ZFAND3: variants seen among roughly 807,000 people sequenced by gnomAD.
ZFAND3 encodes the protein AN1-type zinc finger protein 3.
A neutral mutation model predicts 29.6 loss-of-function variants in ZFAND3; 10 were observed. That is an observed-to-expected ratio of 0.34 (90% CI 0.21 to 0.57). The LOEUF is 0.57. Among genes scored for constraint, ZFAND3 ranks in the 20% least tolerant of loss-of-function variants. The pLI is 0.86. For missense variants in ZFAND3, 230 were observed against 304.5 expected, an observed-to-expected ratio of 0.76 and a Z score of 1.82; for synonymous variants, 128 against 112.6, an observed-to-expected ratio of 1.14 and a Z score of -0.87.
At chr6:37,866,024 A>G (rs1387919134) in intron 1 of ZFAND3, among the ~76,000 whole-genome samples, 1 of 152,072 alleles carries the variant, frequency 6.6e-6, no homozygotes, top group African/African-American at 2.4e-5. Flanking sequence ...TGGAGGTCTC[A>G]CTATATTGTC....
intron 1 of ZFAND3, among the ~76,000 whole-genome samples, chr6:37,863,266 A>G (rs1764526867): frequency 6.6e-6 from 1 of 152,274 alleles, no homozygotes; most frequent in Non-Finnish European, 1.5e-5. Flanking sequence ...CACATTCCAC[A>G]TCAAGTGGTC....
chr6:37,834,104 C>A (rs1283946911), intron 1 of ZFAND3, among the ~76,000 whole-genome samples: 1 of 152,002 alleles, frequency 6.6e-6, no homozygotes, highest in East Asian at 1.9e-4. Context: ...ATGAATCTAC[C>A]ATTATAATGT....
chr6:37,866,709 G>A (rs529878127), intron 1 of ZFAND3, among the ~76,000 whole-genome samples: 54 of 152,190 alleles, frequency 3.5e-4, no homozygotes, highest in Non-Finnish European at 6.8e-4. Context: ...TGTACTTGGT[G>A]TAGTGTATTA....
At position 38,011,836 on chromosome 6, in the gene ZFAND3, C is replaced by T. The variant is rs6920185; in HGVS notation, c.113-49757C>T. 4.2e-3 allele frequency among the ~76,000 whole-genome samples: 639 copies of T among 151,982 alleles called. 2 individuals are homozygous for T. The highest frequency in any genetic ancestry group is 5.7e-3 in the Non-Finnish European group (384 of 67,962). On this transcript the variant is annotated intron_variant, in intron 2 of 5. Coordinates refer to ENST00000287218, the MANE Select transcript of ZFAND3 (RefSeq NM_021943.3). ...TCACACCTGATCAATTAAGAGGATT[C>T]GGGGAAGGTAAAACTTCATGTAAAT...
rs143454482 is a variant in ZFAND3, at chr6:37,879,685, A to G, written c.72-50274A>G. On this transcript the variant is annotated intron_variant, in intron 1 of 5. Coordinates refer to ENST00000287218, the MANE Select transcript of ZFAND3 (RefSeq NM_021943.3). ...GGATGAATGAGCATGCTTTTTCTCA[A>G]TCTGGATGATAGTAAATTCATTATT... 3.0e-3 allele frequency among the ~76,000 whole-genome samples: 464 copies of G among 152,304 alleles called. 3 individuals carry two copies. The highest frequency in any genetic ancestry group is 6.8e-3 in the Middle Eastern group (2 of 294).
intron 1 of ZFAND3, among the ~76,000 whole-genome samples, chr6:37,822,548 T>C (rs1763685212): frequency 1.3e-5 from 2 of 152,168 alleles, no homozygotes; most frequent in South Asian, 2.1e-4. Context: ...TTTGAATGCC[T>C]GTGATATAAT....
chr6:37,859,862 G>GGTTTTTT (rs1764448370), intron 1 of ZFAND3, among the ~76,000 whole-genome samples: 3 of 133,306 alleles, frequency 2.3e-5, no homozygotes, highest in African/African-American at 8.2e-5. Context: ...GCTGGAGTGG[G>GGTTTTTT]TTTTTTTTTT....
At chr6:38,009,846 A>G (rs898541947) in intron 2 of ZFAND3, among the ~76,000 whole-genome samples, 12 of 152,238 alleles carry the variant, frequency 7.9e-5, no homozygotes, top group African/African-American at 2.7e-4. Context: ...GGTTAGAGTT[A>G]CATTACATTC....
chr6:37,930,046 T>C, intron 2 of ZFAND3, 47 bp downstream of exon 2: 2 of 382,228 alleles, frequency 5.2e-6, no homozygotes, highest in Admixed American at 5.2e-5. Context: ...TTTTTCTTTC[T>C]TTTTTTTTTT....
In ZFAND3 at chr6:38,116,756, G is replaced by A; in HGVS notation, c.529+17G>A. 1 of 1,611,920 alleles carries A rather than the reference G, an allele frequency of 6.2e-7. No individual in the cohort carries two copies. Among genetic ancestry groups the A allele is most frequent in the Non-Finnish European group, 8.5e-7 (1 of 1,178,388 alleles). On this transcript the variant is annotated intron_variant, in intron 5 of 5. Transcript: ENST00000287218. ...GTCGCTGCGGTAAGCATCTCCCCCAGTGGCGTGATGGAGACTATATCCTTA... is the reference window on the plus strand; with the variant it reads ...GTCGCTGCGGTAAGCATCTCCCCCAATGGCGTGATGGAGACTATATCCTTA...
At chr6:38,048,005 G>A (rs988055584) in intron 2 of ZFAND3, among the ~76,000 whole-genome samples, 5 of 143,464 alleles carry the variant, frequency 3.5e-5, no homozygotes, top group African/African-American at 1.3e-4. Flanking sequence ...GTGTGTGTTT[G>A]TTTATTTATT....
intron 4 of ZFAND3, among the ~76,000 whole-genome samples, chr6:38,107,377 A>T (rs546215680): frequency 3.1e-4 from 47 of 152,162 alleles, no homozygotes; most frequent in Non-Finnish European, 5.7e-4. Flanking sequence ...CTTCTCCCCA[A>T]CTGCAAGGTG....
At chr6:38,096,979 T>A (rs1488594679) in intron 4 of ZFAND3, among the ~76,000 whole-genome samples, 3 of 152,204 alleles carry the variant, frequency 2.0e-5, no homozygotes, top group Non-Finnish European at 1.5e-5. Flanking sequence ...GTTTTCTGTT[T>A]ATCTTGGTCT....
chr6:37,871,191 G>T (rs1042893694), intron 1 of ZFAND3, among the ~76,000 whole-genome samples: 3 of 152,000 alleles, frequency 2.0e-5, no homozygotes, highest in Non-Finnish European at 4.4e-5. Flanking sequence ...CCTCTGTGTT[G>T]TTCAGATTGA....
chr6:37,860,605 G>A (rs960558128), intron 1 of ZFAND3, among the ~76,000 whole-genome samples: 5 of 147,686 alleles, frequency 3.4e-5, no homozygotes, highest in Non-Finnish European at 7.5e-5. Context: ...CTTGTTTGCA[G>A]TGATGTTTAG....
intron 5 of ZFAND3, among the ~76,000 whole-genome samples, chr6:38,124,047 G>A (rs9462383): frequency 0.033 from 4,964 of 152,244 alleles, 221 homozygotes; most frequent in African/African-American, 0.096. Flanking sequence ...CAGAGCGCCA[G>A]TTGTTTTGAC....
chr6:37,923,318 A>T (rs546343407), intron 1 of ZFAND3, among the ~76,000 whole-genome samples: 1 of 152,316 alleles, frequency 6.6e-6, no homozygotes, highest in African/African-American at 2.4e-5. Context: ...GCACACAGAC[A>T]TGCACACAAT....
At chr6:37,917,934 A>G (rs957004661) in intron 1 of ZFAND3, among the ~76,000 whole-genome samples, 1 of 152,224 alleles carries the variant, frequency 6.6e-6, no homozygotes. Context: ...TTATGTATAC[A>G]TTAAAATTTT....
intron 1 of ZFAND3, among the ~76,000 whole-genome samples, chr6:37,826,708 G>A (rs1157276135): frequency 6.6e-6 from 1 of 151,118 alleles, no homozygotes; most frequent in Non-Finnish European, 1.5e-5. Flanking sequence ...AGCTGAGATT[G>A]TGCCACTGTA....
Sources: gnomAD v4.1 joint callset for allele counts (sites outside exome capture counted in the v4.1 genomes callset) on GRCh38, gnomAD v4.1.1 for gene constraint, MANE v1.5 for transcripts, NCBI Gene and HGNC (gene_info 2026-07-23, HGNC 2026-07-21) for gene names.